The following CCDC192 variants were observed in gnomAD, a reference collection of about 807,000 sequenced individuals.
The protein encoded by CCDC192 is coiled-coil domain containing 192.
At chr5:127,753,625 T>C (rs926175491) in intron 2 of CCDC192, among the ~76,000 whole-genome samples, 4 of 150,294 alleles carry the variant, frequency 2.7e-5, no homozygotes, top group Non-Finnish European at 5.9e-5. Context: ...GAGGTGGAGG[T>C]TGCAGTGAGC....
chr5:127,794,113 T>A (rs553122330), intron 3 of CCDC192, among the ~76,000 whole-genome samples: 2 of 152,342 alleles, frequency 1.3e-5, no homozygotes, highest in East Asian at 3.9e-4. Context: ...TCCAATTCTG[T>A]GCAGTGTGAG....
intron 5 of CCDC192, among the ~76,000 whole-genome samples, chr5:127,862,752 A>G (rs1159812799): frequency 6.6e-6 from 1 of 152,172 alleles, no homozygotes; most frequent in African/African-American, 2.4e-5. Flanking sequence ...AATATTTATC[A>G]TAAGGTTTCC....
intron 5 of CCDC192, among the ~76,000 whole-genome samples, chr5:127,810,777 A>T (rs538514190): frequency 6.6e-6 from 1 of 152,104 alleles, no homozygotes; most frequent in African/African-American, 2.4e-5. Flanking sequence ...ATAAAATCAA[A>T]TCTGACTCAG....
chr5:127,845,816 T>G (rs1750508725), intron 5 of CCDC192, among the ~76,000 whole-genome samples: 1 of 152,220 alleles, frequency 6.6e-6, no homozygotes, highest in Non-Finnish European at 1.5e-5. Context: ...ATATTAATGG[T>G]CCCTCACTGT....
intron 5 of CCDC192, among the ~76,000 whole-genome samples, chr5:127,818,373 A>G (rs1013003061): frequency 1.3e-5 from 2 of 152,168 alleles, no homozygotes; most frequent in African/African-American, 4.8e-5. Context: ...TCAACTGGGA[A>G]ACATTTTTTT....
rs555436192 is a variant in CCDC192 at position 127,749,417 on chromosome 5, A to T, written c.115-4851A>T. On this transcript the variant is annotated intron_variant, in intron 2 of 6. Transcript: ENST00000514853. Reference sequence around the variant, plus strand: ...TCTTTTTATATGCTGGATTACATTTATTGATTTGCGTATATTGAACCAGCC... The same window carrying T: ...TCTTTTTATATGCTGGATTACATTTTTTGATTTGCGTATATTGAACCAGCC... Among the ~76,000 whole-genome samples the T allele has an allele frequency of 2.5e-3, 375 of 152,054 alleles. 1 individual carries two copies. Among genetic ancestry groups the T allele is most frequent in the Non-Finnish European group, 3.8e-3 (261 of 67,956 alleles).
At position 127,780,557 on chromosome 5, in the gene CCDC192, A is replaced by C. The variant is rs1178410251; in HGVS notation, c.223-16546A>C. Among the ~76,000 whole-genome samples, 3 of 151,776 alleles carry C rather than the reference A, an allele frequency of 2.0e-5. No individual in the cohort carries two copies. In the East Asian group the frequency reaches 5.8e-4, roughly 29 times the overall value. On this transcript the variant is annotated intron_variant, in intron 3 of 6. Transcript: ENST00000514853. ...ATGTTGCATTGTGGTTTTGATTTGC[A>C]TTTTCCTGATCATTAGTGATGTTGA...
At chr5:127,938,361 G>A (rs1008381115) in intron 6 of CCDC192, among the ~76,000 whole-genome samples, 2 of 152,100 alleles carry the variant, frequency 1.3e-5, no homozygotes, top group African/African-American at 4.8e-5. Context: ...ATCCTCTGGG[G>A]TAACAGAAAA....
intron 3 of CCDC192, chr5:127,785,501 C>T: frequency 5.2e-6 from 1 of 191,374 alleles, no homozygotes. Flanking sequence ...CATTGTCACT[C>T]ACTGCCTTCC....
chr5:127,807,762 A>G (rs1757873510), intron 5 of CCDC192, among the ~76,000 whole-genome samples: 2 of 152,160 alleles, frequency 1.3e-5, no homozygotes, highest in Non-Finnish European at 2.9e-5. Flanking sequence ...ATTTGAGCTC[A>G]ATGCTTAGCT....
At chr5:127,846,695 C>T (rs763607786) in intron 5 of CCDC192, among the ~76,000 whole-genome samples, 35 of 152,064 alleles carry the variant, frequency 2.3e-4, no homozygotes, top group Middle Eastern at 3.4e-3. Flanking sequence ...GTCTCGAACT[C>T]CTGGCCTCAA....
intron 6 of CCDC192, among the ~76,000 whole-genome samples, chr5:127,923,144 G>C (rs1753769467): frequency 6.6e-6 from 1 of 152,162 alleles, no homozygotes; most frequent in African/African-American, 2.4e-5. Flanking sequence ...TATTAGTTAA[G>C]CCAGTTAGAA....
At chr5:127,844,833 C>T (rs1175125075) in intron 5 of CCDC192, among the ~76,000 whole-genome samples, 2 of 152,176 alleles carry the variant, frequency 1.3e-5, no homozygotes, top group Non-Finnish European at 2.9e-5. Flanking sequence ...CAGCAGGTGT[C>T]CCTAAAATAC....
At chr5:127,845,427 C>T (rs1470943636) in intron 5 of CCDC192, among the ~76,000 whole-genome samples, 1 of 152,086 alleles carries the variant, frequency 6.6e-6, no homozygotes, top group Non-Finnish European at 1.5e-5. Flanking sequence ...GTGAATAGTA[C>T]TGAGGAGAGA....
At chr5:127,916,636 C>A (rs1753528219) in intron 6 of CCDC192, among the ~76,000 whole-genome samples, 1 of 152,238 alleles carries the variant, frequency 6.6e-6, no homozygotes, top group Non-Finnish European at 1.5e-5. Flanking sequence ...TCTACCAAAA[C>A]TTTTGGGTGA....
At chr5:127,935,757 A>T (rs1287050186) in intron 6 of CCDC192, among the ~76,000 whole-genome samples, 5 of 152,182 alleles carry the variant, frequency 3.3e-5, no homozygotes, top group Non-Finnish European at 4.4e-5. Flanking sequence ...ATTGGCAGCC[A>T]ACCTCTGAAG....
intron 6 of CCDC192, among the ~76,000 whole-genome samples, chr5:127,902,952 C>T (rs138495542): frequency 3.1e-4 from 47 of 152,274 alleles, no homozygotes; most frequent in Non-Finnish European, 6.3e-4. Context: ...ACCCAAATTA[C>T]ACTCGCTTAA....
At chr5:127,779,097 T>G (rs549024636) in intron 3 of CCDC192, among the ~76,000 whole-genome samples, 1 of 152,302 alleles carries the variant, frequency 6.6e-6, no homozygotes, top group African/African-American at 2.4e-5. Flanking sequence ...TCTGTTTTTT[T>G]ATTCTCTAGC....
intron 2 of CCDC192, among the ~76,000 whole-genome samples, chr5:127,728,911 T>G (rs1169337516): frequency 2.6e-5 from 4 of 152,106 alleles, no homozygotes; most frequent in Non-Finnish European, 5.9e-5. Context: ...TTTCTTTTTT[T>G]CTTTTTTTTT....
Sources: allele counts gnomAD v4.1 joint callset (sites outside exome capture counted in the v4.1 genomes callset), GRCh38; gene constraint gnomAD v4.1.1; transcripts MANE v1.5; gene names NCBI Gene and HGNC (gene_info 2026-07-23, HGNC 2026-07-21).